Variants in PHTF1 observed in about 807,000 individuals in gnomAD.
PHTF1 encodes the protein putative homeodomain transcription factor 1, also known as protein PHTF1.
A neutral mutation model predicts 102.4 loss-of-function variants in PHTF1; 88 were observed. The ratio of observed to expected loss-of-function variants is 0.86; its 90% CI spans 0.72 to 1.03. PHTF1 has a LOEUF of 1.03. Among genes scored for constraint, PHTF1 ranks in the 50% least tolerant of loss-of-function variants. The pLI is 0.00. For synonymous variants in PHTF1, 289 were observed against 305.2 expected (o/e 0.95, Z 0.55); for missense variants, 814 against 909.5 (o/e 0.89, Z 1.35).
At chr1:113,716,258 A>G (rs114384953) in intron 7 of PHTF1, among the ~76,000 whole-genome samples, 79 of 151,844 alleles carry the variant, frequency 5.2e-4, no homozygotes, top group African/African-American at 1.9e-3. Flanking sequence ...ATACTCCAAT[A>G]TTTCTGGCAG....
chr1:113,717,399 A>G (rs1652226363), intron 7 of PHTF1, among the ~76,000 whole-genome samples: 1 of 152,198 alleles, frequency 6.6e-6, no homozygotes, highest in Admixed American at 6.5e-5. Context: ...TAAATGAACT[A>G]AACTTTCTAA....
At chr1:113,736,252 G>T (rs1318778106) in intron 5 of PHTF1, among the ~76,000 whole-genome samples, 2 of 151,068 alleles carry the variant, frequency 1.3e-5, no homozygotes, top group Non-Finnish European at 2.9e-5. Context: ...TGAGGCAAGG[G>T]AATGGCGTGA....
intron 11 of PHTF1, among the ~76,000 whole-genome samples, chr1:113,706,999 C>T (rs1253184776): frequency 6.6e-6 from 1 of 151,844 alleles, no homozygotes; most frequent in African/African-American, 2.4e-5. Context: ...ACCACCATGG[C>T]TCGCTAGGTC....
At chr1:113,699,683 G>A (rs941682700) in intron 17 of PHTF1, 21 bp downstream of exon 17, 2 of 927,760 alleles carry the variant, frequency 2.2e-6, no homozygotes, top group Non-Finnish European at 3.5e-6. Context: ...TAGTAAAAGT[G>A]TATCATAGCC....
chr1:113,745,910 T>G (rs1040546145), intron 3 of PHTF1, among the ~76,000 whole-genome samples: 7 of 152,160 alleles, frequency 4.6e-5, no homozygotes, highest in Admixed American at 2.6e-4. Flanking sequence ...GTACAATAAT[T>G]GTAATGTGCT....
intron 7 of PHTF1, chr1:113,714,668 T>C (rs979708133): frequency 2.0e-5 from 3 of 152,200 alleles, no homozygotes; most frequent in Non-Finnish European, 4.4e-5. Flanking sequence ...CCTGATAGCG[T>C]CTCTGGATCT....
chr1:113,722,967 A>AAAT (rs1557934090), intron 7 of PHTF1, among the ~76,000 whole-genome samples: 14 of 141,810 alleles, frequency 9.9e-5, no homozygotes, highest in African/African-American at 2.5e-4. Context: ...AATAAATAAA[A>AAAT]ATAAAAATTA....
chr1:113,737,886 A>G (rs1034034097), intron 5 of PHTF1, among the ~76,000 whole-genome samples: 1 of 152,254 alleles, frequency 6.6e-6, no homozygotes, highest in Non-Finnish European at 1.5e-5. Context: ...GGCCAGTGAG[A>G]CAGGTAGAAA....
At chr1:113,754,195 G>C (rs1346441168) in intron 3 of PHTF1, among the ~76,000 whole-genome samples, 2 of 152,144 alleles carry the variant, frequency 1.3e-5, no homozygotes, top group Non-Finnish European at 2.9e-5. Context: ...AGCACTGCTT[G>C]AGCTCAGGAA....
chr1:113,740,920 A>G (rs1478475867), intron 3 of PHTF1, among the ~76,000 whole-genome samples: 1 of 152,120 alleles, frequency 6.6e-6, no homozygotes, highest in Non-Finnish European at 1.5e-5. Flanking sequence ...AATCCCAGCT[A>G]CTCAGGAGGC....
intron 7 of PHTF1, among the ~76,000 whole-genome samples, chr1:113,716,873 AC>A (rs1652126680): frequency 1.3e-5 from 2 of 152,244 alleles, no homozygotes; most frequent in South Asian, 4.1e-4. Flanking sequence ...ATCTGAAGGT[AC>A]AAAACTCATT....
At chr1:113,730,652 A>G (rs939502605) in intron 5 of PHTF1, among the ~76,000 whole-genome samples, 2 of 152,368 alleles carry the variant, frequency 1.3e-5, no homozygotes, top group East Asian at 1.9e-4. Flanking sequence ...ATAAACCAAT[A>G]GCTTTCAAAT....
At chr1:113,744,640 G>T (rs1291614634) in intron 3 of PHTF1, among the ~76,000 whole-genome samples, 1 of 152,190 alleles carries the variant, frequency 6.6e-6, no homozygotes, top group Non-Finnish European at 1.5e-5. Flanking sequence ...TTGTAAAGTT[G>T]CACATGTGAT....
At chr1:113,724,733 C>CA in intron 7 of PHTF1, 26 bp downstream of exon 7, 3 of 1,575,774 alleles carry the variant, frequency 1.9e-6, no homozygotes, top group Middle Eastern at 3.4e-4. Context: ...TACGTGAATA[C>CA]AAAATCAAGT....
chr1:113,712,447 G>T (rs1455631047), intron 8 of PHTF1, among the ~76,000 whole-genome samples: 5 of 152,132 alleles, frequency 3.3e-5, no homozygotes, highest in Admixed American at 3.3e-4. Context: ...CATCTAAAAA[G>T]AAATTATAAT....
At chr1:113,753,880 G>A (rs975787742) in intron 3 of PHTF1, among the ~76,000 whole-genome samples, 4 of 151,758 alleles carry the variant, frequency 2.6e-5, no homozygotes, top group Non-Finnish European at 4.4e-5. Context: ...TATGTTGCCC[G>A]GGCTAGTGTC....
At position 113,697,115 on chromosome 1, in the gene PHTF1, GA is replaced by G. The variant is rs940292722; in HGVS notation, c.*589del. The G allele has an allele frequency of 1.4e-4, 21 of 152,432 alleles. No homozygotes were observed. The highest frequency in any genetic ancestry group is 4.6e-4 in the African/African-American group (19 of 41,552). The allele number at this position is 152,432 out of a possible 1,614,324, so 9.4% of individuals were successfully genotyped here. The stretch of plus-strand genomic sequence containing the variant: ...CAGTTATTAACCCAAAATCGTAAAC[GA>G]ACAAAACATTTCTCCACAGTTTAAC... On this transcript the variant is annotated 3_prime_UTR_variant, in exon 19 of 19. Coordinates refer to ENST00000369604, the MANE Select transcript of PHTF1 (RefSeq NM_001323043.2).
chr1:113,726,716 T>A, intron 5 of PHTF1, 142 bp from the exon 6 acceptor site: 1 of 558,492 alleles, frequency 1.8e-6, no homozygotes, highest in Non-Finnish European at 3.0e-6. Flanking sequence ...CCCATCCAGA[T>A]GCACATTAGC....
At chr1:113,728,630 TG>T (rs1654188488) in intron 5 of PHTF1, among the ~76,000 whole-genome samples, 1 of 152,198 alleles carries the variant, frequency 6.6e-6, no homozygotes, top group African/African-American at 2.4e-5. Flanking sequence ...AAATGGTGGT[TG>T]GGCACTGTGG....
Sources: allele counts gnomAD v4.1 joint callset (sites outside exome capture counted in the v4.1 genomes callset), GRCh38; gene constraint gnomAD v4.1.1; transcripts MANE v1.5; gene names NCBI Gene and HGNC (gene_info 2026-07-23, HGNC 2026-07-21).